ATP11A: variants seen among roughly 807,000 people sequenced by gnomAD.
The protein encoded by ATP11A is phospholipid-transporting ATPase IH.
ATP11A carries 81 observed loss-of-function variants against 154.4 expected under a neutral mutation model. That is an observed-to-expected ratio of 0.52 (90% CI 0.44 to 0.63). The LOEUF (loss-of-function observed/expected upper bound fraction) is 0.63, where lower values mean the gene tolerates loss of function less well. Ranked by LOEUF, ATP11A falls within the 30% of genes least tolerant of loss-of-function variation. The probability of loss-of-function intolerance (pLI) is 0.00; values close to 1 mark genes in which losing one functional copy is unlikely to be tolerated. For missense variants in ATP11A, 1,316 were observed against 1,474.3 expected (o/e 0.89, Z 1.76); for synonymous variants, 623 against 585.9 (o/e 1.06, Z -0.91).
intron 1 of ATP11A, among the ~76,000 whole-genome samples, chr13:112,709,297 G>A (rs1353188153): frequency 1.3e-5 from 2 of 152,168 alleles, no homozygotes; most frequent in East Asian, 3.8e-4. Flanking sequence ...GGCATAACAA[G>A]GAAGAAAATC....
At chr13:112,872,257 A>G (rs2080546831) in intron 26 of ATP11A, among the ~76,000 whole-genome samples, 1 of 152,254 alleles carries the variant, frequency 6.6e-6, no homozygotes. Flanking sequence ...TTAAAAAGTG[A>G]TACCAAAACA....
intron 1 of ATP11A, among the ~76,000 whole-genome samples, chr13:112,741,430 C>T (rs1410318988): frequency 3.9e-5 from 6 of 152,172 alleles, no homozygotes; most frequent in Non-Finnish European, 5.9e-5. Flanking sequence ...CCGGTCCCTG[C>T]GGGGCTGTGG....
At chr13:112,778,570 G>A (rs1001600124) in intron 1 of ATP11A, among the ~76,000 whole-genome samples, 19 of 152,234 alleles carry the variant, frequency 1.2e-4, no homozygotes, top group Non-Finnish European at 2.5e-4. Flanking sequence ...GTGAACAGCC[G>A]CTGGAGTGAG....
At chr13:112,862,375 A>G in intron 24 of ATP11A, 65 bp from the exon 25 acceptor site, 1 of 1,594,666 alleles carries the variant, frequency 6.3e-7, no homozygotes, top group Non-Finnish European at 8.6e-7. Context: ...GCCACCCCAG[A>G]GCCTGGGGGA....
Position 112,754,002 on chromosome 13 carries a change from C to T in ATP11A, c.40-31133C>T, listed in dbSNP as rs1443880101. On this transcript the variant is annotated intron_variant, in intron 1 of 29. Coordinates refer to ENST00000375645, the MANE Select transcript of ATP11A (RefSeq NM_015205.3). This position sits in a 1 kb window ranked among gnomAD's most constrained non-coding sequence, Gnocchi z 5.3. ...TGGTTCTGCCACACGCCTGACAGGCCGATCACAGCCTGACCTTGACCAGGC... is the reference window on the plus strand; with the variant it reads ...TGGTTCTGCCACACGCCTGACAGGCTGATCACAGCCTGACCTTGACCAGGC... Among the ~76,000 whole-genome samples the T allele has an allele frequency of 1.3e-5, 2 of 152,226 alleles. No homozygotes were observed. The highest frequency in any genetic ancestry group is 2.9e-5 in the Non-Finnish European group (2 of 68,050).
At position 112,834,632 on chromosome 13, in the gene ATP11A, A is replaced by C; in HGVS notation, c.1603A>C (p.Ile535Leu). The stretch of plus-strand genomic sequence containing the variant: ...AAGGCTGAAGGACAATTACATGGAG[A>C]TATTAAACAGGGAGAACCACATCGA... ...YLRLKDNYME[I>L]LNRENHIERF... is the part of the protein sequence containing the mutation. Residue 535 changes from isoleucine (I) to leucine (L), a missense_variant, in exon 15 of 30, where the codon ATA becomes CTA. Coordinates refer to ENST00000375645, the MANE Select transcript of ATP11A (RefSeq NM_015205.3). The C allele has an allele frequency of 6.2e-7, 1 of 1,613,992 alleles. No individual in the cohort carries two copies. The highest frequency in any genetic ancestry group is 8.5e-7 in the Non-Finnish European group (1 of 1,179,878).
intron 2 of ATP11A, among the ~76,000 whole-genome samples, chr13:112,801,897 A>G (rs945389821): frequency 3.3e-5 from 5 of 152,228 alleles, no homozygotes; most frequent in Non-Finnish European, 5.9e-5. Flanking sequence ...GTTAATTTCT[A>G]GATATCACCA....
At position 112,875,690 on chromosome 13, in the gene ATP11A, C is replaced by G. The variant is rs1234031920; in HGVS notation, c.3162-86C>G. The G allele has an allele frequency of 2.0e-6, 3 of 1,464,530 alleles. No homozygotes were observed. The highest frequency in any genetic ancestry group is 2.8e-6 in the Non-Finnish European group (3 of 1,076,176). The allele number at this position is 1,464,530 out of a possible 1,614,324, so 90.7% of individuals were successfully genotyped here. On this transcript the variant is annotated intron_variant, in intron 27 of 29. Transcript: ENST00000375645. The surrounding 1 kb of genome is among the most constrained non-coding windows in gnomAD (Gnocchi z 4.1). ...TCTCACTGACAAAAGTGTAAACTCC[C>G]TGAACAGACGGCCTCTCCAGTGAGT... is the stretch of plus-strand genomic sequence containing the variant.
chr13:112,707,339 C>T (rs909379506), intron 1 of ATP11A, among the ~76,000 whole-genome samples: 2 of 150,916 alleles, frequency 1.3e-5, no homozygotes, highest in Non-Finnish European at 2.9e-5. Flanking sequence ...TGCTTGAACC[C>T]AGGAGACAGA....
rs11838638 is a variant in ATP11A at position 112,842,504 on chromosome 13, C to T, written c.1809+125C>T. 1.5e-3 allele frequency: 1,170 copies of T among 806,094 alleles called. 8 individuals carry two copies. In the African/African-American group the frequency reaches 0.015, roughly 11 times the overall value. The allele number at this position is 806,094 out of a possible 1,614,324, so 49.9% of individuals were successfully genotyped here. On this transcript the variant is annotated intron_variant, in intron 17 of 29. Transcript: ENST00000375645. ...TATTCCTTGGGGAATGTTTAGAAAT[C>T]AGCTGGGCCAGAGGCAGACAGACAG...
At chr13:112,716,813 C>T (rs139608845) in intron 1 of ATP11A, among the ~76,000 whole-genome samples, 61 of 152,258 alleles carry the variant, frequency 4.0e-4, no homozygotes, top group Non-Finnish European at 5.9e-4. Flanking sequence ...GTGGGTAGGT[C>T]GGGGAGGCTG....
chr13:112,777,181 T>C (rs554015536), intron 1 of ATP11A, among the ~76,000 whole-genome samples: 1 of 151,850 alleles, frequency 6.6e-6, no homozygotes, highest in African/African-American at 2.4e-5. Context: ...CTGGCACCTG[T>C]CAGAAAGCCA....
Position 112,690,509 on chromosome 13 carries a change from G to C in ATP11A, c.39+54G>C. Reference sequence around the variant, plus strand: ...CCCGGGGACCAGACAGACGCGGGCCGGCCCCGCAGCCCGGACCCTGTGGCC... The same window carrying C: ...CCCGGGGACCAGACAGACGCGGGCCCGCCCCGCAGCCCGGACCCTGTGGCC... On this transcript the variant is annotated intron_variant, in intron 1 of 29. Transcript: ENST00000375645. The surrounding 1 kb of genome is among the most constrained non-coding windows in gnomAD (Gnocchi z 5.6). 1 of 1,272,802 alleles carries C rather than the reference G, an allele frequency of 7.9e-7. No homozygotes were observed. The highest frequency in any genetic ancestry group is 9.9e-7 in the Non-Finnish European group (1 of 1,009,122). The allele number at this position is 1,272,802 out of a possible 1,614,324, so 78.8% of individuals were successfully genotyped here.
chr13:112,876,591 C>T (rs4907468), intron 28 of ATP11A, among the ~76,000 whole-genome samples: 90,258 of 152,080 alleles, frequency 0.59, 26,984 homozygotes, highest in Admixed American at 0.66. Flanking sequence ...GCACCTGTCA[C>T]GGTCCCTCAG....
intron 25 of ATP11A, among the ~76,000 whole-genome samples, chr13:112,869,904 G>A (rs1049610071): frequency 2.6e-5 from 4 of 152,216 alleles, no homozygotes; most frequent in Non-Finnish European, 4.4e-5. Context: ...CTTCTCACCC[G>A]GGCTCTGCTG....
intron 10 of ATP11A, 67 bp from the exon 11 acceptor site, chr13:112,825,363 C>G (rs948398899): frequency 6.7e-7 from 1 of 1,502,250 alleles, no homozygotes; most frequent in Non-Finnish European, 9.0e-7. Context: ...ATCTTGATAT[C>G]TGTGAGAAGG....
rs1264518948 is a variant in ATP11A, at chr13:112,789,220, C to T, written c.162+3963C>T. 8.0e-5 allele frequency among the ~76,000 whole-genome samples: 12 copies of T among 150,560 alleles called. 1 individual carries two copies. The South Asian group carries it at 1.5e-3, about 19-fold the overall frequency. On this transcript the variant is annotated intron_variant, in intron 2 of 29. Transcript: ENST00000375645. Reference sequence around the variant, plus strand: ...ACACCAGGTGTCCTGATGTGTAGACCCCTGTGGATACCTACTTAATCCACA... The same window carrying T: ...ACACCAGGTGTCCTGATGTGTAGACTCCTGTGGATACCTACTTAATCCACA...
chr13:112,803,905 T>C (rs1393754907), intron 2 of ATP11A, among the ~76,000 whole-genome samples: 17 of 65,208 alleles, frequency 2.6e-4, no homozygotes, highest in South Asian at 1.4e-3. Flanking sequence ...CCTTCCCTCC[T>C]TCACCTCCCT....
intron 29 of ATP11A, chr13:112,880,678 G>C (rs930612029): frequency 7.9e-7 from 1 of 1,269,376 alleles, no homozygotes; most frequent in Non-Finnish European, 1.0e-6. Flanking sequence ...GACGCCGCCC[G>C]TGTGCTGTGA....
Sources: gnomAD v4.1 joint callset for allele counts (sites outside exome capture counted in the v4.1 genomes callset) on GRCh38, gnomAD v4.1.1 for gene constraint, Gnocchi (gnomAD v3.1) non-coding constraint, MANE v1.5 for transcripts, NCBI Gene and HGNC (gene_info 2026-07-23, HGNC 2026-07-21) for gene names.